Variants in TSPAN15 observed in about 807,000 individuals in gnomAD.
The protein encoded by TSPAN15 is tetraspanin-15.
A neutral mutation model predicts 34.5 loss-of-function variants in TSPAN15; 20 were observed. The ratio of observed to expected loss-of-function variants is 0.58; its 90% CI spans 0.41 to 0.84. TSPAN15 has a LOEUF of 0.84. Among genes scored for constraint, TSPAN15 ranks in the 40% least tolerant of loss-of-function variants. The pLI, the probability that TSPAN15 is intolerant of heterozygous loss-of-function variation, is 0.00. For synonymous variants in TSPAN15, 155 were observed against 153.9 expected, an observed-to-expected ratio of 1.01 and a Z score of -0.05; for missense variants, 313 against 386.1, an observed-to-expected ratio of 0.81 and a Z score of 1.59.
intron 1 of TSPAN15, among the ~76,000 whole-genome samples, chr10:69,476,533 G>C (rs1294605667): frequency 6.7e-6 from 1 of 148,272 alleles, no homozygotes; most frequent in Admixed American, 6.8e-5. Context: ...CTTCAGCCTG[G>C]ATGACAGAGT....
At position 69,499,160 on chromosome 10, in the gene TSPAN15, A is replaced by G. The variant is rs559742492; in HGVS notation, c.570+764A>G. The stretch of plus-strand genomic sequence containing the variant: ...TTGTGTTTGACAAATGTGTCCAGAA[A>G]CTGTTTCAGGATTGGAACGAGGTGG... On this transcript the variant is annotated intron_variant, in intron 5 of 7. Transcript: ENST00000373290. Among the ~76,000 whole-genome samples the G allele has an allele frequency of 2.6e-5, 4 of 152,284 alleles. No homozygotes were observed. The South Asian group carries it at 6.2e-4, about 24-fold the overall frequency.
chr10:69,487,307 C>T (rs716788), intron 3 of TSPAN15, among the ~76,000 whole-genome samples: 2,593 of 152,160 alleles, frequency 0.017, 78 homozygotes, highest in African/African-American at 0.06. Flanking sequence ...GTTAAGAATT[C>T]CCCCGAGAGC....
At chr10:69,479,714 G>A (rs918772795) in intron 1 of TSPAN15, among the ~76,000 whole-genome samples, 1 of 152,260 alleles carries the variant, frequency 6.6e-6, no homozygotes, top group Non-Finnish European at 1.5e-5. Context: ...CATCAGAGAT[G>A]TAAATATCAT....
Position 69,506,399 on chromosome 10 carries a change from C to T in TSPAN15, c.735+159C>T, listed in dbSNP as rs2305202. 119 of 657,540 alleles carry T rather than the reference C, an allele frequency of 1.8e-4. No individual in the cohort carries two copies. The highest frequency in any genetic ancestry group is 7.8e-4 in the Admixed American group (28 of 35,800). The allele number at this position is 657,540 out of a possible 1,614,324, so 40.7% of individuals were successfully genotyped here. On this transcript the variant is annotated intron_variant, in intron 7 of 7. Coordinates refer to ENST00000373290, the MANE Select transcript of TSPAN15 (RefSeq NM_012339.5). This position sits in a 1 kb window ranked among gnomAD's most constrained non-coding sequence, Gnocchi z 4.7. ...AGGAGGGGCAAATGGCAATAGCAGT[C>T]GTGGCGAAGCTCTTCCAAGTGCTGC...
At chr10:69,495,433 T>C in intron 3 of TSPAN15, 161 bp from the exon 4 acceptor site, 1 of 605,392 alleles carries the variant, frequency 1.7e-6, no homozygotes, top group Non-Finnish European at 3.0e-6. Flanking sequence ...GGTAGGGAGG[T>C]CACGGGCATC....
intron 3 of TSPAN15, among the ~76,000 whole-genome samples, chr10:69,489,389 G>A (rs2099219): frequency 0.073 from 11,169 of 152,214 alleles, 1,336 homozygotes; most frequent in African/African-American, 0.25. Flanking sequence ...CACAATTATC[G>A]TAGTGGCCGT....
the TSPAN15 span, among the ~76,000 whole-genome samples, chr10:69,537,461 A>G: frequency 2.0e-5 from 3 of 152,190 alleles, no homozygotes; most frequent in African/African-American, 4.8e-5. Context: ...TCTCACAATT[A>G]TGGAGGCCCG....
chr10:69,476,885 G>A (rs1332052473), intron 1 of TSPAN15, among the ~76,000 whole-genome samples: 5 of 152,162 alleles, frequency 3.3e-5, no homozygotes, highest in Middle Eastern at 6.9e-3. Context: ...TTAGAGTACC[G>A]CCTGGTGGTC....
the TSPAN15 span, among the ~76,000 whole-genome samples, chr10:69,540,409 G>T: frequency 2.0e-5 from 3 of 152,136 alleles, no homozygotes; most frequent in Non-Finnish European, 4.4e-5. Flanking sequence ...ATCCTCCCAA[G>T]ATGAAAAAGA....
chr10:69,515,391 C>T, the TSPAN15 span, among the ~76,000 whole-genome samples: 9 of 152,180 alleles, frequency 5.9e-5, no homozygotes, highest in East Asian at 3.9e-4. Context: ...GTAGCTCACA[C>T]GGTTCCATCT....
chr10:69,471,096 C>G (rs1841494908), intron 1 of TSPAN15, among the ~76,000 whole-genome samples: 1 of 152,166 alleles, frequency 6.6e-6, no homozygotes, highest in Non-Finnish European at 1.5e-5. Context: ...CACTTATAAC[C>G]ATAGCACAGT....
chr10:69,484,585 A>G (rs1841809628), intron 2 of TSPAN15, among the ~76,000 whole-genome samples: 1 of 152,186 alleles, frequency 6.6e-6, no homozygotes, highest in Admixed American at 6.5e-5. Context: ...CCTACGATCC[A>G]CTGTAAACCG....
At chr10:69,544,858 A>G in the TSPAN15 span, among the ~76,000 whole-genome samples, 1 of 152,166 alleles carries the variant, frequency 6.6e-6, no homozygotes, top group Admixed American at 6.5e-5. Context: ...GGAGGAAATT[A>G]GCATTCGCTT....
downstream of TSPAN15, chr10:69,507,717 C>A: frequency 1.7e-6 from 2 of 1,158,992 alleles, no homozygotes; most frequent in Non-Finnish European, 2.2e-6. Flanking sequence ...GTAAGGAAGG[C>A]TGCAACCTGG....
chr10:69,479,240 C>T (rs897399326), intron 1 of TSPAN15, among the ~76,000 whole-genome samples: 23 of 152,228 alleles, frequency 1.5e-4, no homozygotes, highest in African/African-American at 4.8e-4. Flanking sequence ...CCAGCCGGCA[C>T]GGGTGACCAG....
chr10:69,484,982 C>T (rs529703419), intron 2 of TSPAN15, among the ~76,000 whole-genome samples, 159 bp from the exon 3 acceptor site: 27 of 152,334 alleles, frequency 1.8e-4, no homozygotes, highest in African/African-American at 6.0e-4. Flanking sequence ...TCCACGTCCA[C>T]GTTCTCACAG....
chr10:69,495,347 GTGAATTACTCCTGC>G, intron 3 of TSPAN15: 1 of 470,278 alleles, frequency 2.1e-6, no homozygotes, highest in South Asian at 2.5e-5. Context: ...AGGGAGTGGA[GTGAATTACTCCTGC>G]TGGGACATAG....
At chr10:69,456,245 G>A (rs1841106450) in intron 1 of TSPAN15, among the ~76,000 whole-genome samples, 1 of 151,876 alleles carries the variant, frequency 6.6e-6, no homozygotes, top group South Asian at 2.1e-4. Flanking sequence ...CTACTACCAC[G>A]ATGGGCTAAT....
At chr10:69,473,821 A>G (rs1019829553) in intron 1 of TSPAN15, among the ~76,000 whole-genome samples, 15 of 152,052 alleles carry the variant, frequency 9.9e-5, no homozygotes, top group Admixed American at 7.9e-4. Flanking sequence ...CACGTTCCAG[A>G]CACTTGAGAT....
Sources: gnomAD v4.1 joint callset for allele counts (sites outside exome capture counted in the v4.1 genomes callset) on GRCh38, gnomAD v4.1.1 for gene constraint, Gnocchi (gnomAD v3.1) non-coding constraint, MANE v1.5 for transcripts, NCBI Gene and HGNC (gene_info 2026-07-23, HGNC 2026-07-21) for gene names.